KCNU1: variants seen among roughly 807,000 people sequenced by gnomAD.
KCNU1 encodes potassium channel subfamily U member 1.
KCNU1 carries 93 observed loss-of-function variants against 126.8 expected under a neutral mutation model. The ratio of observed to expected loss-of-function variants is 0.73; its 90% CI spans 0.62 to 0.87. The LOEUF (loss-of-function observed/expected upper bound fraction) is 0.87. Ranked by LOEUF, KCNU1 falls within the 40% of genes least tolerant of loss-of-function variation. KCNU1 has a pLI of 0.00. For synonymous variants in KCNU1, 523 were observed against 494.2 expected, an observed-to-expected ratio of 1.06 and a Z score of -0.77; for missense variants, 1,330 against 1,367.1, an observed-to-expected ratio of 0.97 and a Z score of 0.43.
intron 18 of KCNU1, among the ~76,000 whole-genome samples, chr8:36,846,670 C>T (rs970003660): frequency 2.6e-5 from 4 of 151,294 alleles, no homozygotes; most frequent in South Asian, 2.1e-4. Context: ...GGCGTGGCAG[C>T]GTGTGCCTGT....
At chr8:36,833,718 T>G in intron 11 of KCNU1, 59 bp downstream of exon 11, 1 of 947,646 alleles carries the variant, frequency 1.1e-6, no homozygotes, top group Non-Finnish European at 1.7e-6. Flanking sequence ...ATTAAAATAA[T>G]AGGATATATT....
intron 20 of KCNU1, among the ~76,000 whole-genome samples, chr8:36,906,368 C>G (rs1369206892): frequency 6.6e-6 from 1 of 152,068 alleles, no homozygotes; most frequent in Non-Finnish European, 1.5e-5. Flanking sequence ...GTCCTTGTCT[C>G]TCTTCTCAAA....
intron 2 of KCNU1, among the ~76,000 whole-genome samples, chr8:36,802,394 C>T (rs2130396634): frequency 6.6e-6 from 1 of 152,224 alleles, no homozygotes; most frequent in Non-Finnish European, 1.5e-5. Context: ...GCACAGAGGA[C>T]GGGTCTGTGG....
intron 2 of KCNU1, among the ~76,000 whole-genome samples, chr8:36,792,538 A>G (rs1158965050): frequency 3.3e-5 from 5 of 152,196 alleles, no homozygotes; most frequent in Non-Finnish European, 7.3e-5. Context: ...CTACTTCCTA[A>G]CATTGATGAA....
At chr8:36,808,834 C>G in intron 7 of KCNU1, 41 bp downstream of exon 7, 1 of 1,461,270 alleles carries the variant, frequency 6.8e-7, no homozygotes, top group Non-Finnish European at 9.5e-7. Flanking sequence ...TCTGTTGTTA[C>G]CAGCATCCAT....
chr8:36,817,573 ATTAT>A (rs1803965153), intron 9 of KCNU1, 73 bp from the exon 10 acceptor site: 1 of 685,246 alleles, frequency 1.5e-6, no homozygotes. Context: ...GTTTAAGCCA[ATTAT>A]TTATCTCTAA....
chr8:36,853,486 T>A (rs1805424859), intron 18 of KCNU1, among the ~76,000 whole-genome samples: 1 of 152,232 alleles, frequency 6.6e-6, no homozygotes, highest in South Asian at 2.1e-4. Flanking sequence ...CCCTGTGTTT[T>A]CTGTTTTCTT....
intron 19 of KCNU1, among the ~76,000 whole-genome samples, chr8:36,902,886 CA>C (rs1458947292): frequency 2.0e-5 from 3 of 151,996 alleles, no homozygotes; most frequent in African/African-American, 7.2e-5. Flanking sequence ...TTTAAGTTGC[CA>C]AAAGACATGT....
chr8:36,893,557 T>G (rs916064650), intron 19 of KCNU1, among the ~76,000 whole-genome samples: 1 of 152,052 alleles, frequency 6.6e-6, no homozygotes, highest in African/African-American at 2.4e-5. Flanking sequence ...ATTTTTTCTC[T>G]CTGGTGGCTG....
intron 18 of KCNU1, among the ~76,000 whole-genome samples, chr8:36,859,135 G>A (rs1805639674): frequency 6.6e-6 from 1 of 152,158 alleles, no homozygotes; most frequent in Non-Finnish European, 1.5e-5. Context: ...TGAATCTGGA[G>A]ATCCTGGTTC....
chr8:36,788,981 G>T (rs911623996), intron 2 of KCNU1, among the ~76,000 whole-genome samples: 1 of 152,184 alleles, frequency 6.6e-6, no homozygotes, highest in Non-Finnish European at 1.5e-5. Context: ...TTAATGAAGG[G>T]AAACTGTATT....
chr8:36,897,441 T>A (rs943171669), intron 19 of KCNU1, among the ~76,000 whole-genome samples: 1 of 152,000 alleles, frequency 6.6e-6, no homozygotes, highest in African/African-American at 2.4e-5. Context: ...GTGGAACATC[T>A]AAATAGTTTC....
At chr8:36,827,797 A>G (rs755959084) in intron 10 of KCNU1, among the ~76,000 whole-genome samples, 1 of 152,152 alleles carries the variant, frequency 6.6e-6, no homozygotes, top group Admixed American at 6.5e-5. Context: ...ATAAGGACTG[A>G]TAATTTCAGA....
chr8:36,907,110 A>G (rs1807662380), intron 20 of KCNU1, among the ~76,000 whole-genome samples: 1 of 152,206 alleles, frequency 6.6e-6, no homozygotes, highest in Non-Finnish European at 1.5e-5. Flanking sequence ...TGTTAAGTTT[A>G]GGATGCCTTC....
At chr8:36,925,713 C>T (rs1808508906) in intron 24 of KCNU1, among the ~76,000 whole-genome samples, 1 of 152,094 alleles carries the variant, frequency 6.6e-6, no homozygotes, top group Admixed American at 6.6e-5. Flanking sequence ...TGGATCTTAC[C>T]ACCTGGTCAC....
chr8:36,823,501 C>A (rs926047448), intron 10 of KCNU1, among the ~76,000 whole-genome samples: 1 of 152,078 alleles, frequency 6.6e-6, no homozygotes, highest in African/African-American at 2.4e-5. Context: ...GTGTTTATAT[C>A]ATTGCGGCAA....
chr8:36,836,903 G>T lies in KCNU1; in HGVS notation c.1476G>T (p.Leu492Phe), dbSNP rs756172648. The change falls in exon 14 of 27, where the codon TTG becomes TTT. Residue 492 changes from leucine (L) to phenylalanine (F), a missense_variant. This residue lies in a region of KCNU1 where 1,054 missense variants were observed against 1,053.9 expected (regional missense o/e 1.00). Coordinates refer to ENST00000399881, the MANE Select transcript of KCNU1 (RefSeq NM_001031836.3). ...CCCAAGGCTGTTTGGTGCCAGGCTTGTGTACCTTCCTAACATCTCTATTTG... is the reference window on the plus strand; with the variant it reads ...CCCAAGGCTGTTTGGTGCCAGGCTTTTGTACCTTCCTAACATCTCTATTTG... ...FIAQGCLVPG[L>F]CTFLTSLFVE... The T allele has an allele frequency of 2.2e-5, 35 of 1,613,732 alleles. No individual in the cohort carries two copies. In the African/African-American group the frequency reaches 4.5e-4, roughly 21 times the overall value.
At chr8:36,802,076 T>A (rs531153827) in intron 2 of KCNU1, among the ~76,000 whole-genome samples, 1 of 132,714 alleles carries the variant, frequency 7.5e-6, no homozygotes, top group African/African-American at 3.0e-5. Flanking sequence ...GCCACTGCAC[T>A]GCAGCCTGGG....
At chr8:36,866,058 A>T (rs561732941) in intron 19 of KCNU1, among the ~76,000 whole-genome samples, 1 of 152,048 alleles carries the variant, frequency 6.6e-6, no homozygotes, top group African/African-American at 2.4e-5. Context: ...GTCAAAAGGT[A>T]CCAAGGAATC....
Sources: allele counts gnomAD v4.1 joint callset (sites outside exome capture counted in the v4.1 genomes callset), GRCh38; gene constraint gnomAD v4.1.1; regional missense constraint gnomAD v4.1.1; transcripts MANE v1.5; gene names NCBI Gene and HGNC (gene_info 2026-07-23, HGNC 2026-07-21).